The following USP15 variants were observed in gnomAD, a reference collection of about 807,000 sequenced individuals.
USP15 encodes ubiquitin specific peptidase 15.
In USP15, 18 loss-of-function variants were observed where a neutral mutation model predicts 127.1. The ratio of observed to expected loss-of-function variants is 0.14; its 90% confidence interval spans 0.10 to 0.21. USP15 has a LOEUF of 0.21. Among genes scored for constraint, USP15 ranks in the 10% least tolerant of loss-of-function variants. The pLI is 1.00. For synonymous variants in USP15, 364 were observed against 393.7 expected, an observed-to-expected ratio of 0.92 and a Z score of 0.89; for missense variants, 805 against 1,159.9, an observed-to-expected ratio of 0.69 and a Z score of 4.44.
intron 6 of USP15, among the ~76,000 whole-genome samples, chr12:62,345,247 A>G (rs2065779541): frequency 6.6e-6 from 1 of 152,114 alleles, no homozygotes; most frequent in African/African-American, 2.4e-5. Context: ...AATTCCCTAA[A>G]TCATCTCTCC....
chr12:62,275,632 A>G (rs7315790), intron 1 of USP15, among the ~76,000 whole-genome samples: 130,342 of 151,934 alleles, frequency 0.86, 56,168 homozygotes, highest in African/African-American at 0.93. Context: ...AGGTGATATG[A>G]GGGGAGAGGA....
At chr12:62,281,935 T>C (rs1041191299) in intron 1 of USP15, among the ~76,000 whole-genome samples, 8 of 152,212 alleles carry the variant, frequency 5.3e-5, no homozygotes, top group African/African-American at 1.9e-4. Context: ...CCTTTTTATC[T>C]GCAGAGTATA....
chr12:62,391,924 A>G lies in USP15; in HGVS notation c.2304+38A>G. The stretch of plus-strand genomic sequence containing the variant: ...TCACTCACTTATTTACCTTTCCTTG[A>G]TTTACTTTATGTGATTACCAGAGAT... On this transcript the variant is annotated intron_variant, in intron 17 of 21. Transcript: ENST00000280377. The G allele has an allele frequency of 3.3e-6, 5 of 1,532,138 alleles. No homozygotes were observed. The East Asian group carries it at 1.2e-4, about 36-fold the overall frequency. 94.9% of individuals were successfully genotyped at this position (1,532,138 alleles called of 1,614,324 possible).
chr12:62,263,991 T>C (rs887467769), intron 1 of USP15, among the ~76,000 whole-genome samples: 1 of 152,146 alleles, frequency 6.6e-6, no homozygotes, highest in Non-Finnish European at 1.5e-5. Flanking sequence ...ATACTCTCTT[T>C]GGAAAAAAAG....
At chr12:62,391,056 T>A in intron 15 of USP15, 77 bp downstream of exon 15, 1 of 1,517,726 alleles carries the variant, frequency 6.6e-7, no homozygotes, top group Non-Finnish European at 8.9e-7. Flanking sequence ...AAAATGGGAA[T>A]TAAAGAACTA....
intron 6 of USP15, among the ~76,000 whole-genome samples, chr12:62,347,378 TATATATA>T (rs1378902848): frequency 2.7e-5 from 4 of 150,590 alleles, no homozygotes; most frequent in Admixed American, 6.6e-5. Flanking sequence ...GCATATATAT[TATATATA>T]ATATATATGT....
chr12:62,326,012 A>G (rs2065111865), intron 6 of USP15, 79 bp downstream of exon 6: 2 of 1,263,618 alleles, frequency 1.6e-6, no homozygotes, highest in South Asian at 1.4e-5. Flanking sequence ...ACAATGATAG[A>G]AGAACCTAGA....
chr12:62,330,585 C>CAAA (rs559515896), intron 6 of USP15, among the ~76,000 whole-genome samples: 1 of 95,452 alleles, frequency 1.0e-5, no homozygotes, highest in Non-Finnish European at 2.2e-5. Context: ...GACTCCATCT[C>CAAA]AAAAAAAAAA....
chr12:62,365,827 T>C (rs2066458763), intron 8 of USP15, among the ~76,000 whole-genome samples: 1 of 152,188 alleles, frequency 6.6e-6, no homozygotes, highest in Admixed American at 6.5e-5. Flanking sequence ...CCCCGTTGCT[T>C]GTTTGTGTCA....
intron 19 of USP15, among the ~76,000 whole-genome samples, chr12:62,395,994 C>T (rs114869622): frequency 1.1e-3 from 167 of 151,954 alleles, no homozygotes; most frequent in African/African-American, 3.8e-3. Context: ...ACCATTGCTG[C>T]GACAAACATG....
chr12:62,299,093 A>G lies in USP15; in HGVS notation c.218-3697A>G, dbSNP rs184147187. On this transcript the variant is annotated intron_variant, in intron 2 of 21. Coordinates refer to ENST00000280377, the MANE Select transcript of USP15 (RefSeq NM_001252078.2). ...TATTTGCTTATTCTGGACATCTCAT[A>G]TAAATGGAATCATACAATATGTGTG... Among the ~76,000 whole-genome samples the G allele has an allele frequency of 8.5e-5, 13 of 152,214 alleles. 1 individual carries two copies. The highest frequency in any genetic ancestry group is 2.6e-4 in the African/African-American group (11 of 41,554).
intron 6 of USP15, among the ~76,000 whole-genome samples, chr12:62,338,955 T>A (rs2137370112): frequency 6.6e-6 from 1 of 152,338 alleles, no homozygotes; most frequent in East Asian, 1.9e-4. Context: ...CTATACAGGC[T>A]CATTTTTTGT....
intron 6 of USP15, among the ~76,000 whole-genome samples, chr12:62,337,102 G>A (rs12299072): frequency 0.33 from 49,780 of 151,882 alleles, 8,609 homozygotes; most frequent in African/African-American, 0.45. Flanking sequence ...TATGAGAAAC[G>A]CCTAAGTATT....
intron 8 of USP15, among the ~76,000 whole-genome samples, chr12:62,359,981 AT>A (rs1592664585): frequency 1.3e-5 from 2 of 152,058 alleles, no homozygotes; most frequent in African/African-American, 4.8e-5. Context: ...CAGTTTTTAA[AT>A]TTTGCATTAT....
At chr12:62,277,543 G>A (rs780086218) in intron 1 of USP15, 1 of 152,042 alleles carries the variant, frequency 6.6e-6, no homozygotes, top group Non-Finnish European at 1.5e-5. Flanking sequence ...GAGTTTGCAG[G>A]GCTGGACGTT....
intron 2 of USP15, among the ~76,000 whole-genome samples, chr12:62,297,378 T>TGGTG (rs1226641686): frequency 6.6e-6 from 1 of 151,960 alleles, no homozygotes; most frequent in Non-Finnish European, 1.5e-5. Flanking sequence ...ACCCAGTGTT[T>TGGTG]GGTGGGGGCA....
intron 6 of USP15, among the ~76,000 whole-genome samples, chr12:62,340,032 G>A (rs142853427): frequency 2.8e-3 from 424 of 152,272 alleles, no homozygotes; most frequent in African/African-American, 9.5e-3. Context: ...TTTGTGGTTG[G>A]TAGGCTATTG....
At chr12:62,263,740 G>GT (rs2063126320) in intron 1 of USP15, among the ~76,000 whole-genome samples, 1 of 152,146 alleles carries the variant, frequency 6.6e-6, no homozygotes, top group Non-Finnish European at 1.5e-5. Flanking sequence ...GTTGATCTGT[G>GT]TTTCAATTTC....
chr12:62,305,134 T>C (rs1592545600), intron 3 of USP15, among the ~76,000 whole-genome samples: 1 of 151,530 alleles, frequency 6.6e-6, no homozygotes, highest in East Asian at 1.9e-4. Context: ...AAAGAAAGAG[T>C]GGGTAGAACT....
Sources: allele counts gnomAD v4.1 joint callset (sites outside exome capture counted in the v4.1 genomes callset), GRCh38; gene constraint gnomAD v4.1.1; transcripts MANE v1.5; gene names NCBI Gene and HGNC (gene_info 2026-07-23, HGNC 2026-07-21).